RTN4: variants seen among roughly 807,000 people sequenced by gnomAD.
RTN4 encodes reticulon-4.
Under a neutral mutation model 90.4 loss-of-function variants are expected in RTN4, and 32 were observed. The observed-to-expected ratio is 0.35, with a 90% CI of 0.27 to 0.48. The LOEUF (loss-of-function observed/expected upper bound fraction) is 0.48. RTN4 is among the 20% of genes least tolerant of loss of function. The pLI is 0.99. For synonymous variants in RTN4, 629 were observed against 552.5 expected (o/e 1.14, Z -1.94); for missense variants, 1,706 against 1,430.2 (o/e 1.19, Z -3.11).
chr2:55,074,732 G>A (rs1668572593), intron 2 of RTN4, among the ~76,000 whole-genome samples: 1 of 152,078 alleles, frequency 6.6e-6, no homozygotes. Flanking sequence ...AATCCACCAT[G>A]ATCAAATGGG....
At chr2:55,049,662 G>T (rs1160116317) in intron 1 of RTN4, 83 bp downstream of exon 1, 2 of 1,528,348 alleles carry the variant, frequency 1.3e-6, no homozygotes, top group African/African-American at 1.4e-5. Context: ...GGAGAGGAGG[G>T]ACCAGCCCAA....
the RTN4 span, among the ~76,000 whole-genome samples, chr2:55,122,677 C>T: frequency 1.3e-5 from 2 of 152,298 alleles, no homozygotes; most frequent in East Asian, 3.9e-4. Flanking sequence ...CAGAGCTGAG[C>T]CCAGATTAGT....
upstream of RTN4, among the ~76,000 whole-genome samples, chr2:55,116,575 G>A (rs1668129466): frequency 6.6e-6 from 1 of 152,176 alleles, no homozygotes; most frequent in African/African-American, 2.4e-5. Context: ...TTAGGCAGAT[G>A]CTAAGCACTT....
intron 4 of RTN4, 83 bp downstream of exon 4, chr2:54,987,408 A>C: frequency 2.0e-6 from 2 of 1,015,282 alleles, no homozygotes; most frequent in South Asian, 1.3e-5. Context: ...CATGCTTGTA[A>C]CTCTATAGAC....
the RTN4 span, among the ~76,000 whole-genome samples, chr2:55,124,500 C>T: frequency 6.6e-6 from 1 of 152,204 alleles, no homozygotes; most frequent in Non-Finnish European, 1.5e-5. Flanking sequence ...AGGAATACAG[C>T]TAACCAGGGA....
intron 1 of RTN4, among the ~76,000 whole-genome samples, chr2:55,045,656 A>T (rs541884692): frequency 5.9e-5 from 9 of 152,182 alleles, no homozygotes; most frequent in South Asian, 2.1e-4. Flanking sequence ...AACAACAATT[A>T]AAAAAAACAA....
intron 1 of RTN4, among the ~76,000 whole-genome samples, chr2:55,029,302 T>C (rs1362347756): frequency 6.6e-6 from 1 of 152,152 alleles, no homozygotes; most frequent in Admixed American, 6.5e-5. Context: ...ACCCAGCCTA[T>C]GGTATTTTGT....
intron 1 of RTN4, among the ~76,000 whole-genome samples, chr2:55,094,111 T>C (rs1261165447): frequency 1.3e-5 from 2 of 152,150 alleles, no homozygotes; most frequent in African/African-American, 4.8e-5. Context: ...AGTGTGATGG[T>C]ATTAGGATGT....
chr2:54,987,242 T>C (rs1385457926), intron 4 of RTN4, among the ~76,000 whole-genome samples: 1 of 152,254 alleles, frequency 6.6e-6, no homozygotes, highest in Non-Finnish European at 1.5e-5. Flanking sequence ...TGCTTAACTC[T>C]AATAAATATT....
In RTN4 at chr2:54,973,885, C is replaced by T; in HGVS notation, c.3431-18G>A. 1 of 1,602,986 alleles carries T rather than the reference C, an allele frequency of 6.2e-7. No homozygotes were observed. The highest frequency in any genetic ancestry group is 1.1e-5 in the South Asian group (1 of 89,264). On this transcript the variant is annotated intron_variant, in intron 6 of 8. Transcript: ENST00000337526. ...AATGAGAGCTGAAAAGGGAAATATA[C>T]AACTTTTCAAAAAGAACGGAATGAT... is the stretch of plus-strand genomic sequence containing the variant.
In RTN4 at chr2:54,987,638, A is replaced by T. The variant is rs1338683997; in HGVS notation, c.3074T>A (p.Leu1025Gln). ...KKTGVVFGAS[L>Q]FLLLSLTVFS... ...TACTGTCAATGAAAGCAGCAGGAAT[A>T]GGCTGGCACCAAACACCACTCCAGT... is the stretch of plus-strand genomic sequence containing the variant. Residue 1025 changes from leucine (L) to glutamine (Q), a missense_variant, in exon 4 of 9, where the codon CTA (leucine) becomes CAA (glutamine). Coordinates refer to ENST00000337526, the MANE Select transcript of RTN4 (RefSeq NM_020532.5). 6 of 1,614,128 alleles carry T rather than the reference A, an allele frequency of 3.7e-6. No homozygotes were observed. The highest frequency in any genetic ancestry group is 5.1e-6 in the Non-Finnish European group (6 of 1,180,040).
chr2:55,088,456 A>G (rs1342845181), intron 1 of RTN4, among the ~76,000 whole-genome samples: 1 of 152,248 alleles, frequency 6.6e-6, no homozygotes, highest in Admixed American at 6.5e-5. Context: ...GACATATCAA[A>G]GCCTTCCATT....
chr2:55,021,393 C>CG (rs575738482), intron 3 of RTN4, among the ~76,000 whole-genome samples: 139 of 142,492 alleles, frequency 9.8e-4, no homozygotes, highest in Non-Finnish European at 1.8e-3. Context: ...TTTTCCCTGC[C>CG]CCCCCCGCCA....
chr2:55,126,744 TG>T, the RTN4 span, among the ~76,000 whole-genome samples: 1 of 152,214 alleles, frequency 6.6e-6, no homozygotes. Flanking sequence ...ACTGCAGCAC[TG>T]TTCACAATAG....
chr2:55,017,650 T>C (rs944168961), intron 3 of RTN4, among the ~76,000 whole-genome samples: 1 of 152,154 alleles, frequency 6.6e-6, no homozygotes, highest in Non-Finnish European at 1.5e-5. Context: ...TCTCAGCAGT[T>C]TGGACAGGAA....
chr2:55,134,506 C>T, the RTN4 span, among the ~76,000 whole-genome samples: 1 of 152,218 alleles, frequency 6.6e-6, no homozygotes. Flanking sequence ...ACCCAGCAGG[C>T]ATTCACCTTA....
chr2:54,995,741 A>C (rs1679372991), intron 3 of RTN4, among the ~76,000 whole-genome samples: 1 of 152,126 alleles, frequency 6.6e-6, no homozygotes, highest in Non-Finnish European at 1.5e-5. Flanking sequence ...TCATTATGAG[A>C]CAACTGATAC....
At chr2:54,981,444 A>G (rs1312500916) in intron 5 of RTN4, among the ~76,000 whole-genome samples, 2 of 152,202 alleles carry the variant, frequency 1.3e-5, no homozygotes, top group Non-Finnish European at 2.9e-5. Context: ...GAAAAATGAA[A>G]AATTATGAGA....
intron 4 of RTN4, among the ~76,000 whole-genome samples, chr2:54,983,501 T>A (rs1678311424): frequency 6.6e-6 from 1 of 152,158 alleles, no homozygotes; most frequent in African/African-American, 2.4e-5. Flanking sequence ...GTAGTCCTCA[T>A]AACCTCCCTA....
Sources: gnomAD v4.1 joint callset for allele counts (sites outside exome capture counted in the v4.1 genomes callset) on GRCh38, gnomAD v4.1.1 for gene constraint, MANE v1.5 for transcripts, NCBI Gene and HGNC (gene_info 2026-07-23, HGNC 2026-07-21) for gene names.